The following INPP4B variants were observed in gnomAD, a reference collection of about 807,000 sequenced individuals.
INPP4B encodes the protein inositol polyphosphate-4-phosphatase type II B.
A neutral mutation model predicts 122.5 loss-of-function variants in INPP4B; 55 were observed. That is an observed-to-expected ratio of 0.45 (90% CI 0.36 to 0.56). The LOEUF (loss-of-function observed/expected upper bound fraction) is 0.56. INPP4B is among the 20% of genes least tolerant of loss of function. INPP4B has a pLI of 0.00. For missense variants in INPP4B, 1,000 were observed against 1,097.7 expected (o/e 0.91, Z 1.26); for synonymous variants, 403 against 388.7 (o/e 1.04, Z -0.43).
In INPP4B at chr4:142,314,859, A is replaced by G. The variant is rs533389357; in HGVS notation, c.373-97T>C. The G allele has an allele frequency of 1.1e-5, 10 of 928,558 alleles. No homozygotes were observed. In the Admixed American group the frequency reaches 2.2e-4, roughly 20 times the overall value. The allele number at this position is 928,558 out of a possible 1,614,324, so 57.5% of individuals were successfully genotyped here. ...TTTCAATTTCCTTCATCTCGCGTCA[A>G]TTCAGACTCTGTGGTTAATCATTAA... is the stretch of plus-strand genomic sequence containing the variant. On this transcript the variant is annotated intron_variant, in intron 7 of 25. Transcript: ENST00000262992.
chr4:142,647,156 A>G (rs1248316743), intron 2 of INPP4B, among the ~76,000 whole-genome samples: 1 of 152,138 alleles, frequency 6.6e-6, no homozygotes, highest in Non-Finnish European at 1.5e-5. Flanking sequence ...CCTGTTACTA[A>G]GGAAAAAAGA....
At chr4:142,794,243 C>T (rs1358622245) in intron 1 of INPP4B, among the ~76,000 whole-genome samples, 1 of 151,916 alleles carries the variant, frequency 6.6e-6, no homozygotes, top group Non-Finnish European at 1.5e-5. Context: ...AATTTTTAAG[C>T]TATAAATAAA....
At chr4:142,497,003 C>A (rs1405699135) in intron 2 of INPP4B, 2 of 151,868 alleles carry the variant, frequency 1.3e-5, no homozygotes, top group African/African-American at 2.4e-5. Flanking sequence ...CTGTTTCATG[C>A]TGTATAATCA....
intron 1 of INPP4B, among the ~76,000 whole-genome samples, chr4:142,762,232 G>A (rs1056957140): frequency 2.0e-4 from 30 of 152,026 alleles, no homozygotes; most frequent in African/African-American, 6.0e-4. Context: ...AGCCTTCAGG[G>A]CTCATGGAAA....
chr4:142,034,546 C>T (rs1276702926), intron 25 of INPP4B, among the ~76,000 whole-genome samples: 1 of 152,084 alleles, frequency 6.6e-6, no homozygotes, highest in Non-Finnish European at 1.5e-5. Flanking sequence ...CAACTCCCTT[C>T]CAGCCCTCAG....
chr4:142,161,843 CT>C, intron 16 of INPP4B, among the ~76,000 whole-genome samples: 1 of 151,958 alleles, frequency 6.6e-6, no homozygotes, highest in East Asian at 1.9e-4. Context: ...GATGAGAAAA[CT>C]AAGAAAGAAG....
chr4:142,329,994 G>GA (rs1171921481), intron 7 of INPP4B, among the ~76,000 whole-genome samples: 1 of 152,024 alleles, frequency 6.6e-6, no homozygotes, highest in African/African-American at 2.4e-5. Context: ...CAATTCTCTG[G>GA]AAAAAATTTA....
chr4:142,648,915 G>T (rs1157291899), intron 2 of INPP4B, among the ~76,000 whole-genome samples: 1 of 152,212 alleles, frequency 6.6e-6, no homozygotes, highest in African/African-American at 2.4e-5. Flanking sequence ...TGACACCTGT[G>T]TAGCCAAATG....
chr4:142,504,142 A>G (rs1315846033), intron 2 of INPP4B, among the ~76,000 whole-genome samples: 1 of 152,088 alleles, frequency 6.6e-6, no homozygotes, highest in Non-Finnish European at 1.5e-5. Context: ...AGCAAATGGT[A>G]TACTAAGGGT....
intron 2 of INPP4B, among the ~76,000 whole-genome samples, chr4:142,662,939 A>T (rs1755454388): frequency 6.6e-6 from 1 of 152,208 alleles, no homozygotes; most frequent in South Asian, 2.1e-4. Flanking sequence ...AAAATGCTAT[A>T]ACCATTGAAA....
In INPP4B at chr4:142,733,883, T is replaced by C. The variant is rs560250433; in HGVS notation, c.-253-7982A>G. ...TAAAGCTGATTAATAAATTAAGATA[T>C]ATTCATACAATGAAATGCTATGCAT... On this transcript the variant is annotated intron_variant, in intron 1 of 25. Transcript: ENST00000262992. 1.3e-4 allele frequency among the ~76,000 whole-genome samples: 20 copies of C among 152,330 alleles called. 1 individual carries two copies. The South Asian group carries it at 3.3e-3, about 25-fold the overall frequency.
intron 3 of INPP4B, among the ~76,000 whole-genome samples, chr4:142,448,908 A>T (rs1813531089): frequency 6.6e-6 from 1 of 152,206 alleles, no homozygotes; most frequent in African/African-American, 2.4e-5. Context: ...GCATGTATTT[A>T]AAGGTTAAAG....
chr4:142,703,781 C>A (rs1762114240), intron 2 of INPP4B, among the ~76,000 whole-genome samples: 2 of 152,146 alleles, frequency 1.3e-5, no homozygotes, highest in Non-Finnish European at 2.9e-5. Context: ...TAAAGAAGAC[C>A]AGATGCATTC....
At chr4:142,125,328 G>T (rs528227966) in intron 18 of INPP4B, among the ~76,000 whole-genome samples, 57 of 151,016 alleles carry the variant, frequency 3.8e-4, no homozygotes, top group African/African-American at 1.4e-3. Context: ...GTATCTGATT[G>T]TACCACTCAC....
intron 2 of INPP4B, among the ~76,000 whole-genome samples, chr4:142,624,057 G>A (rs899097043): frequency 6.6e-6 from 1 of 151,812 alleles, no homozygotes; most frequent in Non-Finnish European, 1.5e-5. Flanking sequence ...AAAGCAGCAT[G>A]ATTTATAGTC....
intron 3 of INPP4B, among the ~76,000 whole-genome samples, chr4:142,448,780 A>G (rs982768597): frequency 6.6e-6 from 1 of 152,216 alleles, no homozygotes. Flanking sequence ...AATGTATCCT[A>G]ATTTAACATC....
At chr4:142,545,703 A>ATACACATGTGTGTG (rs1560781699) in intron 2 of INPP4B, among the ~76,000 whole-genome samples, 16 of 114,720 alleles carry the variant, frequency 1.4e-4, no homozygotes, top group African/African-American at 4.4e-4. Context: ...ATATGTGTAT[A>ATACACATGTGTGTG]TATATGTGTG....
chr4:142,561,022 G>A (rs1730361376), intron 2 of INPP4B, among the ~76,000 whole-genome samples: 1 of 151,906 alleles, frequency 6.6e-6, no homozygotes, highest in Admixed American at 6.6e-5. Context: ...TTTTCCACAG[G>A]GAATTACTGC....
intron 2 of INPP4B, among the ~76,000 whole-genome samples, chr4:142,673,830 A>G (rs536203462): frequency 6.6e-6 from 1 of 152,218 alleles, no homozygotes; most frequent in Admixed American, 6.5e-5. Context: ...TAATCCAGAA[A>G]GAGCTATTCC....
Sources: allele counts gnomAD v4.1 joint callset (sites outside exome capture counted in the v4.1 genomes callset), GRCh38; gene constraint gnomAD v4.1.1; transcripts MANE v1.5; gene names NCBI Gene and HGNC (gene_info 2026-07-23, HGNC 2026-07-21).